WDR37: variants seen among roughly 807,000 people sequenced by gnomAD.
WDR37 encodes WD repeat domain 37.
A neutral mutation model predicts 62.9 loss-of-function variants in WDR37; 19 were observed. The ratio of observed to expected loss-of-function variants is 0.30; its 90% CI spans 0.21 to 0.44. The LOEUF (loss-of-function observed/expected upper bound fraction) is 0.44. WDR37 is among the 20% of genes least tolerant of loss of function. WDR37 has a pLI of 1.00. For missense variants in WDR37, 474 were observed against 657.6 expected, an observed-to-expected ratio of 0.72 and a Z score of 3.05; for synonymous variants, 250 against 260.9, an observed-to-expected ratio of 0.96 and a Z score of 0.40.
chr10:1,093,400 TA>T, intron 7 of WDR37, 51 bp from the exon 8 acceptor site: 1 of 1,413,032 alleles, frequency 7.1e-7, no homozygotes. Flanking sequence ...TAAATGTTGA[TA>T]ACATGTTTTT....
intron 11 of WDR37, among the ~76,000 whole-genome samples, chr10:1,123,401 T>C (rs1235003194): frequency 6.6e-6 from 1 of 152,248 alleles, no homozygotes; most frequent in Non-Finnish European, 1.5e-5. Context: ...AACTCTGCAC[T>C]TGTGAAACTA....
intron 11 of WDR37, chr10:1,123,927 G>A (rs1835662984): frequency 2.9e-6 from 1 of 349,246 alleles, no homozygotes; most frequent in African/African-American, 2.1e-5. Context: ...TAGACATTTG[G>A]GCATGTTCTG....
At chr10:1,057,528 C>G (rs1484678809) in intron 1 of WDR37, among the ~76,000 whole-genome samples, 1 of 152,164 alleles carries the variant, frequency 6.6e-6, no homozygotes, top group Non-Finnish European at 1.5e-5. Context: ...GTGATTAACA[C>G]AGCGCCATGA....
intron 11 of WDR37, among the ~76,000 whole-genome samples, chr10:1,110,655 G>A (rs926263944): frequency 5.9e-5 from 9 of 152,318 alleles, no homozygotes; most frequent in African/African-American, 1.2e-4. Context: ...TGTGTGTTCC[G>A]TTTGGTCACT....
At chr10:1,068,441 C>T (rs1033796449) in intron 1 of WDR37, among the ~76,000 whole-genome samples, 1 of 151,468 alleles carries the variant, frequency 6.6e-6, no homozygotes, top group Non-Finnish European at 1.5e-5. Context: ...TGGGCGACAG[C>T]GAGACTCTGT....
At chr10:1,126,166 G>A (rs551425204) in intron 13 of WDR37, among the ~76,000 whole-genome samples, 2 of 152,268 alleles carry the variant, frequency 1.3e-5, no homozygotes, top group Admixed American at 6.5e-5. Flanking sequence ...AGCACTTTGG[G>A]AGGCTGAGGC....
At chr10:1,108,157 A>G (rs879269018) in intron 11 of WDR37, among the ~76,000 whole-genome samples, 9 of 152,200 alleles carry the variant, frequency 5.9e-5, no homozygotes, top group Non-Finnish European at 1.0e-4. Context: ...TAAAAATTCT[A>G]TGGCATCCTT....
intron 1 of WDR37, 26 bp from the exon 2 acceptor site, chr10:1,072,090 A>G (rs755310441): frequency 1.0e-4 from 163 of 1,574,836 alleles, no homozygotes; most frequent in Admixed American, 4.5e-4. Context: ...TGTATCAGAA[A>G]CACTGTTTTT....
At chr10:1,128,658 TA>T (rs1352930578) in intron 13 of WDR37, among the ~76,000 whole-genome samples, 5 of 152,384 alleles carry the variant, frequency 3.3e-5, no homozygotes, top group Admixed American at 2.0e-4. Context: ...ATTGATCATT[TA>T]TTTTTTTGTC....
rs570999748 is a variant in WDR37, at chr10:1,086,470, G to A, written c.604+113G>A. On this transcript the variant is annotated intron_variant, in intron 7 of 13. Transcript: ENST00000263150. ...ACTGTGTAGGAAGCCTTACTGTTTC[G>A]GTTGTCAGGGGACAGTGTGGTCTGT... The A allele has an allele frequency of 1.8e-5, 14 of 766,022 alleles. No homozygotes were observed. In the Admixed American group the frequency reaches 1.8e-4, roughly 10 times the overall value. 47.5% of individuals were successfully genotyped at this position (766,022 alleles called of 1,614,324 possible).
chr10:1,129,398 G>C lies in WDR37; in HGVS notation c.*54G>C. The C allele has an allele frequency of 1.2e-6, 2 of 1,604,510 alleles. No homozygotes were observed. Among genetic ancestry groups the C allele is most frequent in the Non-Finnish European group, 1.7e-6 (2 of 1,172,992 alleles). ...TTGCCAGCACAGACCTTTGATGGGT[G>C]CAGGCTTTTCTGCGTATTAATCAGC... On this transcript the variant is annotated 3_prime_UTR_variant, in exon 14 of 14. Transcript: ENST00000263150.
rs1320514158 is a variant in WDR37, at chr10:1,072,416, G to A, written c.138+123G>A. 6 of 1,326,612 alleles carry A rather than the reference G, an allele frequency of 4.5e-6. No individual in the cohort carries two copies. The South Asian group carries it at 8.3e-5, about 18-fold the overall frequency. The allele number at this position is 1,326,612 out of a possible 1,614,324, so 82.2% of individuals were successfully genotyped here. A position where few individuals can be genotyped will look rare whatever the true frequency, so the allele number is the denominator to read the frequency against. On this transcript the variant is annotated intron_variant, in intron 2 of 13. Coordinates refer to ENST00000263150, the MANE Select transcript of WDR37 (RefSeq NM_014023.4). ...CACAACCTCCACCTCCTGGGTGGAA[G>A]TGATTCTCCTGCCTCAGCCTACTGA...
intron 3 of WDR37, among the ~76,000 whole-genome samples, chr10:1,078,801 C>T (rs1009256338): frequency 2.6e-5 from 4 of 152,100 alleles, no homozygotes; most frequent in Non-Finnish European, 5.9e-5. Flanking sequence ...AGGTGTGAGC[C>T]ACCACACCCA....
At chr10:1,074,705 G>T (rs191814186) in intron 2 of WDR37, among the ~76,000 whole-genome samples, 3 of 152,238 alleles carry the variant, frequency 2.0e-5, no homozygotes, top group Non-Finnish European at 4.4e-5. Context: ...GAGTGGGCTC[G>T]TTCTAGACAG....
chr10:1,128,501 C>T (rs1443628442), intron 13 of WDR37, among the ~76,000 whole-genome samples: 1 of 152,206 alleles, frequency 6.6e-6, no homozygotes, highest in Non-Finnish European at 1.5e-5. Flanking sequence ...TTTATTTATC[C>T]TTGTTTTATA....
At chr10:1,104,986 C>T in intron 10 of WDR37, 140 bp from the exon 11 acceptor site, 1 of 1,039,178 alleles carries the variant, frequency 9.6e-7, no homozygotes, top group Non-Finnish European at 1.3e-6. Context: ...CCACTGTGAC[C>T]CACATGCTGC....
In WDR37 at chr10:1,124,952, T is replaced by C. The variant is rs767576668; in HGVS notation, c.1281T>C (p.His427=). Residue 427 remains histidine (H), a synonymous_variant, in exon 13 of 14, where the codon CAT becomes CAC. Coordinates refer to ENST00000263150, the MANE Select transcript of WDR37 (RefSeq NM_014023.4). ...GCCAAAAAATCATAGCCCTCCCCCA[T>C]GACAACCGACAAGTGAGACTGTTTG... ...CVGQKIIALP[H]DNRQVRLFDM... is the part of the protein sequence containing the mutation. 6.2e-7 allele frequency: 1 copy of C among 1,614,212 alleles called. No individual in the cohort carries two copies. The highest frequency in any genetic ancestry group is 1.1e-5 in the South Asian group (1 of 91,088).
intron 6 of WDR37, 23 bp from the exon 7 acceptor site, chr10:1,086,263 A>C (rs1834197954): frequency 6.2e-7 from 1 of 1,608,888 alleles, no homozygotes; most frequent in African/African-American, 1.3e-5. Context: ...CTAAGTTCCG[A>C]CTTCTTCATT....
chr10:1,069,183 G>A (rs982791342), intron 1 of WDR37, among the ~76,000 whole-genome samples: 1 of 151,758 alleles, frequency 6.6e-6, no homozygotes, highest in Non-Finnish European at 1.5e-5. Context: ...CTTTAAATAG[G>A]TGTCTTACAT....
Sources: gnomAD v4.1 joint callset for allele counts (sites outside exome capture counted in the v4.1 genomes callset) on GRCh38, gnomAD v4.1.1 for gene constraint, MANE v1.5 for transcripts, NCBI Gene and HGNC (gene_info 2026-07-23, HGNC 2026-07-21) for gene names.